Variants in CDS1 observed in about 807,000 individuals in gnomAD.
The protein encoded by CDS1 is CDP-diacylglycerol synthase 1, also known as phosphatidate cytidylyltransferase 1.
Under a neutral mutation model 62.1 loss-of-function variants are expected in CDS1, and 41 were observed. The ratio of observed to expected loss-of-function variants is 0.66; its 90% confidence interval spans 0.51 to 0.86. The LOEUF (loss-of-function observed/expected upper bound fraction) is 0.86. Ranked by LOEUF, CDS1 falls within the 40% of genes least tolerant of loss-of-function variation. CDS1 has a pLI of 0.00. For missense variants in CDS1, 470 were observed against 550.1 expected (o/e 0.85, Z 1.46); for synonymous variants, 185 against 192.6 (o/e 0.96, Z 0.32).
intron 5 of CDS1, among the ~76,000 whole-genome samples, chr4:84,628,804 G>A (rs1723932940): frequency 6.6e-6 from 1 of 152,018 alleles, no homozygotes; most frequent in Admixed American, 6.6e-5. Flanking sequence ...CAAGGTGTTG[G>A]GATTACAGGC....
Position 84,619,519 on chromosome 4 carries a change from C to A in CDS1, c.566C>A (p.Ala189Asp). 6.3e-7 allele frequency: 1 copy of A among 1,589,902 alleles called. No homozygotes were observed. The highest frequency in any genetic ancestry group is 1.2e-5 in the South Asian group (1 of 85,834). Residue 189 changes from alanine (A) to aspartate (D), a missense_variant, in exon 5 of 13, where the codon GCC becomes GAC. By Grantham distance (126) the Ala-to-Asp change is moderately radical (BLOSUM62 -2). Around this residue, in one of 5 missense-constraint regions of CDS1, gnomAD observed 214 missense variants for 242.4 expected, o/e 0.88. Transcript: ENST00000295887. ...LIRYHRFISF[A>D]LYLAGFCMFV... ...CGCTACCATAGATTTATATCATTTG[C>A]CCTCTATCTGGCAGGTAAGTTAAGG...
chr4:84,603,554 C>G (rs1454523169), intron 1 of CDS1, among the ~76,000 whole-genome samples: 2 of 152,202 alleles, frequency 1.3e-5, no homozygotes, highest in African/African-American at 4.8e-5. Flanking sequence ...ATTGATCACC[C>G]TATCCCTGGA....
At chr4:84,647,174 T>G (rs896381402) in intron 12 of CDS1, among the ~76,000 whole-genome samples, 1 of 152,172 alleles carries the variant, frequency 6.6e-6, no homozygotes, top group Non-Finnish European at 1.5e-5. Context: ...TTTTTTCTAG[T>G]AAGCATATAG....
intron 4 of CDS1, among the ~76,000 whole-genome samples, chr4:84,617,913 C>T (rs1723549020): frequency 6.6e-6 from 1 of 151,804 alleles, no homozygotes; most frequent in African/African-American, 2.4e-5. Flanking sequence ...CATTCTTGTC[C>T]TTTTTTTAAT....
At chr4:84,601,915 A>G (rs1269368888) in intron 1 of CDS1, among the ~76,000 whole-genome samples, 2 of 145,642 alleles carry the variant, frequency 1.4e-5, no homozygotes, top group Non-Finnish European at 1.5e-5. Context: ...TCCATCTCAA[A>G]TAAATAAATA....
intron 2 of CDS1, among the ~76,000 whole-genome samples, chr4:84,608,338 T>C (rs1723197612): frequency 1.3e-5 from 2 of 152,120 alleles, no homozygotes; most frequent in Admixed American, 1.3e-4. Flanking sequence ...TATGCCCGGC[T>C]AATTGTTTTG....
At chr4:84,647,610 T>C (rs1042346466) in intron 12 of CDS1, among the ~76,000 whole-genome samples, 1 of 152,152 alleles carries the variant, frequency 6.6e-6, no homozygotes, top group African/African-American at 2.4e-5. Flanking sequence ...AGAAATGAAA[T>C]AAGGCGAACA....
At position 84,583,374 on chromosome 4, in the gene CDS1, G is replaced by A; in HGVS notation, c.-28G>A. The A allele has an allele frequency of 2.0e-6, 3 of 1,526,552 alleles. No individual in the cohort carries two copies. Among genetic ancestry groups the A allele is most frequent in the Non-Finnish European group, 2.7e-6 (3 of 1,106,724 alleles). 94.6% of individuals were successfully genotyped at this position (1,526,552 alleles called of 1,614,324 possible). ...GCTCAGGTTTCGGGGTGCTTGAGGA[G>A]GCCGCCACGGCAGCGCGGGAGCGGA... On this transcript the variant is annotated 5_prime_UTR_variant, in exon 1 of 13. Coordinates refer to ENST00000295887, the MANE Select transcript of CDS1 (RefSeq NM_001263.4).
chr4:84,641,050 CCTTT>C (rs962232016), intron 10 of CDS1, 60 bp downstream of exon 10: 151 of 1,035,380 alleles, frequency 1.5e-4, no homozygotes, highest in Non-Finnish European at 1.9e-4. Context: ...GATTAAGCTT[CCTTT>C]ATTATTTATT....
At chr4:84,594,164 CAA>C (rs773133082) in intron 1 of CDS1, among the ~76,000 whole-genome samples, 31 of 151,962 alleles carry the variant, frequency 2.0e-4, no homozygotes, top group South Asian at 1.2e-3. Context: ...TGACATAAGA[CAA>C]GAGAAAAACC....
rs970622413 is a variant in CDS1, at chr4:84,604,329, C to T, written c.204C>T (p.Thr68=). The T allele has an allele frequency of 3.7e-6, 6 of 1,612,602 alleles. No individual in the cohort carries two copies. The highest frequency in any genetic ancestry group is 8.5e-7 in the Non-Finnish European group (1 of 1,178,818). Residue 68 remains threonine, a synonymous_variant, in exon 2 of 13, where the codon ACC becomes ACT. Transcript: ENST00000295887. The part of the protein sequence containing the change: ...IPEIPPSSDR[T]PEILKKALSG... Reference sequence around the variant, plus strand: ...AAATTCCACCATCCTCAGATAGAACCCCTGAGATTCTCAAAAAAGCTCTAT... The same window carrying T: ...AAATTCCACCATCCTCAGATAGAACTCCTGAGATTCTCAAAAAAGCTCTAT...
At chr4:84,599,405 C>CATATATATATAT (rs59313355) in intron 1 of CDS1, among the ~76,000 whole-genome samples, 18 of 24,670 alleles carry the variant, frequency 7.3e-4, no homozygotes, top group South Asian at 4.0e-3. Context: ...CACACACACA[C>CATATATATATAT]ATATATATAT....
chr4:84,589,842 A>C (rs564901207), intron 1 of CDS1, among the ~76,000 whole-genome samples: 1 of 151,876 alleles, frequency 6.6e-6, no homozygotes, highest in East Asian at 1.9e-4. Flanking sequence ...ACGGAGTCTC[A>C]CTCTGTTGCC....
At chr4:84,643,577 CA>C (rs1346647592) in intron 11 of CDS1, among the ~76,000 whole-genome samples, 1 of 152,198 alleles carries the variant, frequency 6.6e-6, no homozygotes, top group Non-Finnish European at 1.5e-5. Context: ...AAAGGGCAAA[CA>C]ATACATTTAT....
Position 84,640,989 on chromosome 4 carries a change from A to G in CDS1, c.1031A>G (p.Gln344Arg). ...CCCTTTCTAAAGGCAGTCTTGAGAC[A>G]GGTACAGTAAAAGTTCAAGATAAAC... is the stretch of plus-strand genomic sequence containing the variant. ...LPPFLKAVLR[Q>R]ERVSLYPFQI... Residue 344 changes from glutamine to arginine, a missense_variant and splice_region_variant, in exon 10 of 13, where the codon CAG becomes CGG. Coordinates refer to ENST00000295887, the MANE Select transcript of CDS1 (RefSeq NM_001263.4). The G allele has an allele frequency of 6.4e-7, 1 of 1,556,756 alleles. No homozygotes were observed. Among genetic ancestry groups the G allele is most frequent in the Non-Finnish European group, 8.7e-7 (1 of 1,153,092 alleles).
chr4:84,636,345 CAT>C (rs1268388430), intron 8 of CDS1, among the ~76,000 whole-genome samples: 1 of 152,092 alleles, frequency 6.6e-6, no homozygotes, highest in Non-Finnish European at 1.5e-5. Context: ...GGAAAATACA[CAT>C]GAGTAGACCA....
At chr4:84,642,701 T>C (rs963912738) in intron 10 of CDS1, among the ~76,000 whole-genome samples, 1 of 152,112 alleles carries the variant, frequency 6.6e-6, no homozygotes, top group Non-Finnish European at 1.5e-5. Context: ...TTAAAAAAAT[T>C]TGGAAAATAA....
rs1031299546 is a variant in CDS1, at chr4:84,650,663, A to G, written c.*1977A>G. 3 of 152,212 alleles carry G rather than the reference A, an allele frequency of 2.0e-5. No homozygotes were observed. The highest frequency in any genetic ancestry group is 4.4e-5 in the Non-Finnish European group (3 of 68,050). 9.4% of individuals were successfully genotyped at this position (152,212 alleles called of 1,614,324 possible). ...CATTACTGAATATGTGTGTTATAAA[A>G]TCAATATTATTATAAACAAAATAGG... On this transcript the variant is annotated 3_prime_UTR_variant, in exon 13 of 13. Transcript: ENST00000295887.
At position 84,604,265 on chromosome 4, in the gene CDS1, A is replaced by C. The variant is rs775124128; in HGVS notation, c.140A>C (p.Tyr47Ser). ...SDKETDIDDR[Y>S]GDLDSRTDSD... Reference sequence around the variant, plus strand: ...TAGGAAACAGATATTGATGACAGATATGGAGATTTGGATTCCAGAACAGAT... The same window carrying C: ...TAGGAAACAGATATTGATGACAGATCTGGAGATTTGGATTCCAGAACAGAT... Residue 47 changes from tyrosine to serine, a missense_variant, in exon 2 of 13, where the codon TAT becomes TCT. Transcript: ENST00000295887. The C allele has an allele frequency of 6.2e-7, 1 of 1,612,296 alleles. No homozygotes were observed. The highest frequency in any genetic ancestry group is 1.3e-5 in the African/African-American group (1 of 74,880).
Sources: gnomAD v4.1 joint callset for allele counts (sites outside exome capture counted in the v4.1 genomes callset) on GRCh38, gnomAD v4.1.1 for gene constraint, gnomAD v4.1.1 regional missense constraint, MANE v1.5 for transcripts, NCBI Gene and HGNC (gene_info 2026-07-23, HGNC 2026-07-21) for gene names.